GABRA5: variants seen among roughly 807,000 people sequenced by gnomAD.
The protein encoded by GABRA5 is gamma-aminobutyric acid receptor subunit alpha-5.
Under a neutral mutation model 47.3 loss-of-function variants are expected in GABRA5, and 18 were observed. The ratio of observed to expected loss-of-function variants is 0.38; its 90% CI spans 0.26 to 0.56. The LOEUF (loss-of-function observed/expected upper bound fraction) is 0.56, where lower values mean the gene tolerates loss of function less well. Among genes scored for constraint, GABRA5 ranks in the 20% least tolerant of loss-of-function variants. The pLI is 0.71. For missense variants in GABRA5, 365 were observed against 599.3 expected (o/e 0.61, Z 4.08); for synonymous variants, 237 against 229.3 (o/e 1.03, Z -0.30).
chr15:26,917,214 C>G (rs1434616821), intron 7 of GABRA5, among the ~76,000 whole-genome samples: 2 of 152,178 alleles, frequency 1.3e-5, no homozygotes, highest in African/African-American at 4.8e-5. Context: ...GTGGGATTTT[C>G]ATATGTGGCA....
At chr15:26,893,335 CTATGGAGTGTCGTGTGTGTG>C (rs1566870364) in intron 6 of GABRA5, among the ~76,000 whole-genome samples, 1 of 1,912 alleles carries the variant, frequency 5.2e-4, no homozygotes, top group Non-Finnish European at 9.2e-4. Context: ...TGTTGTGTGT[CTATGGAGTGTCGTGTGTGTG>C]TATGGTGTGT....
chr15:26,884,154 G>C (rs371577921), intron 6 of GABRA5, among the ~76,000 whole-genome samples: 1 of 151,734 alleles, frequency 6.6e-6, no homozygotes, highest in Non-Finnish European at 1.5e-5. Context: ...GTACCACTGC[G>C]CTCCAGCCTG....
intron 7 of GABRA5, among the ~76,000 whole-genome samples, chr15:26,934,878 G>A (rs1894199999): frequency 6.6e-6 from 1 of 152,230 alleles, no homozygotes; most frequent in African/African-American, 2.4e-5. Context: ...CTCAGGGGAA[G>A]AAGCCTGAAG....
rs1214255961 is a variant in GABRA5 at position 26,883,396 on chromosome 15, G to A, written c.336G>A (p.Lys112=). Reference sequence around the variant, plus strand: ...GGAAAGATGAAAGGCTTCGGTTTAAGGGGCCCATGCAGCGCCTCCCTCTCA... The same window carrying A: ...GGAAAGATGAAAGGCTTCGGTTTAAAGGGCCCATGCAGCGCCTCCCTCTCA... ...QSWKDERLRF[K]GPMQRLPLNN... Residue 112 remains lysine (K), a synonymous_variant, in exon 6 of 11, where the codon AAG becomes AAA. Coordinates refer to ENST00000335625, the MANE Select transcript of GABRA5 (RefSeq NM_000810.4). The surrounding 1 kb of genome is among the most constrained non-coding windows in gnomAD (Gnocchi z 4.8). 1 of 1,613,914 alleles carries A rather than the reference G, an allele frequency of 6.2e-7. No individual in the cohort carries two copies. Among genetic ancestry groups the A allele is most frequent in the Non-Finnish European group, 8.5e-7 (1 of 1,179,920 alleles).
chr15:26,923,197 T>A (rs1162322025), intron 7 of GABRA5, among the ~76,000 whole-genome samples: 1 of 152,240 alleles, frequency 6.6e-6, no homozygotes, highest in African/African-American at 2.4e-5. Context: ...TGTGTTCTTT[T>A]TTCCTTCTCA....
chr15:26,921,472 G>A lies in GABRA5; in HGVS notation c.580+6587G>A, dbSNP rs151239756. ...TGTAGTGATATCTCTTATTTCTGAC[G>A]TTGGTAATTTGTGTTACTCTTTCAG... is the stretch of plus-strand genomic sequence containing the variant. On this transcript the variant is annotated intron_variant, in intron 7 of 10. Transcript: ENST00000335625. Among the ~76,000 whole-genome samples the A allele has an allele frequency of 3.7e-3, 556 of 152,116 alleles. 6 individuals are homozygous for A. The highest frequency in any genetic ancestry group is 0.012 in the African/African-American group (504 of 41,526).
At chr15:26,936,931 G>A (rs868284383) in intron 7 of GABRA5, among the ~76,000 whole-genome samples, 6 of 152,148 alleles carry the variant, frequency 3.9e-5, no homozygotes, top group South Asian at 2.1e-4. Flanking sequence ...ACCATCGTGC[G>A]CTCTGCAGAG....
intron 3 of GABRA5, among the ~76,000 whole-genome samples, chr15:26,879,932 C>T (rs577593626): frequency 2.0e-5 from 3 of 152,280 alleles, no homozygotes; most frequent in East Asian, 1.9e-4. Flanking sequence ...GCCAAATTTG[C>T]AGTCAAGTGC....
At position 26,876,785 on chromosome 15, in the gene GABRA5, T is replaced by A. The variant is rs1298005783; in HGVS notation, c.87-4061T>A. ...AGGCTCTTTTAAAGAGCGGTGGTAT[T>A]AGAGCGGATGTGCTTGCTGATGGGC... On this transcript the variant is annotated intron_variant, in intron 3 of 10. Transcript: ENST00000335625. Among the ~76,000 whole-genome samples, 7 of 152,202 alleles carry A rather than the reference T, an allele frequency of 4.6e-5. No homozygotes were observed. In the South Asian group the frequency reaches 8.3e-4, roughly 18 times the overall value.
At chr15:26,874,669 T>C (rs1003296596) in intron 3 of GABRA5, among the ~76,000 whole-genome samples, 38 of 152,232 alleles carry the variant, frequency 2.5e-4, no homozygotes, top group African/African-American at 8.9e-4. Flanking sequence ...ACTGGAATAC[T>C]GTGGAGAAAG....
chr15:26,918,221 A>C (rs1250495896), intron 7 of GABRA5, among the ~76,000 whole-genome samples: 1 of 151,922 alleles, frequency 6.6e-6, no homozygotes, highest in African/African-American at 2.4e-5. Context: ...ATCTGTTTCA[A>C]GGTATCTTCT....
intron 6 of GABRA5, among the ~76,000 whole-genome samples, chr15:26,895,541 G>A (rs556793567): frequency 5.3e-5 from 8 of 151,994 alleles, no homozygotes; most frequent in Non-Finnish European, 5.9e-5. Flanking sequence ...GGCTGGGCGC[G>A]GTGGTTCACG....
chr15:26,914,700 A>G (rs554232110), intron 6 of GABRA5, 103 bp from the exon 7 acceptor site: 18 of 817,238 alleles, frequency 2.2e-5, no homozygotes, highest in Middle Eastern at 2.2e-4. Context: ...AAGAGACATT[A>G]ATTTTTAAAA....
chr15:26,880,435 C>G (rs1892700142), intron 3 of GABRA5: 1 of 155,338 alleles, frequency 6.4e-6, no homozygotes, highest in Admixed American at 6.4e-5. Flanking sequence ...TGCCCCAGCG[C>G]CCAGTGCAGG....
intron 6 of GABRA5, among the ~76,000 whole-genome samples, chr15:26,897,218 C>T (rs957285647): frequency 1.3e-5 from 2 of 152,146 alleles, no homozygotes; most frequent in Non-Finnish European, 1.5e-5. Flanking sequence ...TGTCAGAATG[C>T]GACTGCATTT....
At chr15:26,946,031 G>A (rs750019605) in intron 10 of GABRA5, among the ~76,000 whole-genome samples, 8 of 152,166 alleles carry the variant, frequency 5.3e-5, no homozygotes, top group Non-Finnish European at 7.4e-5. Context: ...TCGCATTTCC[G>A]AGGTGTGGCC....
At chr15:26,873,564 C>T (rs955261319) in intron 3 of GABRA5, among the ~76,000 whole-genome samples, 4 of 152,130 alleles carry the variant, frequency 2.6e-5, no homozygotes, top group African/African-American at 9.7e-5. Context: ...CCAGTGTGGA[C>T]GTTTGTTTTT....
At chr15:26,878,531 T>A (rs1416625971) in intron 3 of GABRA5, among the ~76,000 whole-genome samples, 1 of 152,124 alleles carries the variant, frequency 6.6e-6, no homozygotes, top group Non-Finnish European at 1.5e-5. Flanking sequence ...AAAACCCCTC[T>A]GCTCCTACCC....
chr15:26,899,771 T>G (rs1299038035), intron 6 of GABRA5, among the ~76,000 whole-genome samples: 1 of 152,190 alleles, frequency 6.6e-6, no homozygotes, highest in Non-Finnish European at 1.5e-5. Flanking sequence ...TTTTGACTTT[T>G]TTATGGTTTT....
Sources: gnomAD v4.1 joint callset for allele counts (sites outside exome capture counted in the v4.1 genomes callset) on GRCh38, gnomAD v4.1.1 for gene constraint, Gnocchi (gnomAD v3.1) non-coding constraint, MANE v1.5 for transcripts, NCBI Gene and HGNC (gene_info 2026-07-23, HGNC 2026-07-21) for gene names.